CERS6: variants seen among roughly 807,000 people sequenced by gnomAD.
CERS6 encodes ceramide synthase 6.
CERS6 carries 26 observed loss-of-function variants against 56.8 expected under a neutral mutation model. The observed-to-expected ratio is 0.46, with a 90% CI of 0.34 to 0.63. The LOEUF (loss-of-function observed/expected upper bound fraction) is 0.63. CERS6 is among the 30% of genes least tolerant of loss of function. The pLI, the probability that CERS6 is intolerant of heterozygous loss-of-function variation, is 0.01. For synonymous variants in CERS6, 164 were observed against 173.3 expected (o/e 0.95, Z 0.42); for missense variants, 415 against 467.5 (o/e 0.89, Z 1.04).
chr2:168,729,847 TAAAG>T (rs1683468886), intron 8 of CERS6, among the ~76,000 whole-genome samples: 1 of 152,228 alleles, frequency 6.6e-6, no homozygotes, highest in Admixed American at 6.5e-5. Flanking sequence ...TCCTCATAGA[TAAAG>T]AATCATTTCT....
rs116183923 is a variant in CERS6 at position 168,458,114 on chromosome 2, A to G, written c.170+1496A>G. On this transcript the variant is annotated intron_variant, in intron 1 of 9. Transcript: ENST00000305747. Reference sequence around the variant, plus strand: ...GTTACAGAAAATATGAACTCTATACAGTTTTGCAGGCTCTCCAAAAACAAG... The same window carrying G: ...GTTACAGAAAATATGAACTCTATACGGTTTTGCAGGCTCTCCAAAAACAAG... Among the ~76,000 whole-genome samples, 1,270 of 152,282 alleles carry G rather than the reference A, an allele frequency of 8.3e-3. 8 individuals carry two copies. Among genetic ancestry groups the G allele is most frequent in the Non-Finnish European group, 0.015 (988 of 68,018 alleles).
intron 1 of CERS6, among the ~76,000 whole-genome samples, chr2:168,499,964 A>G (rs1318475353): frequency 6.6e-6 from 1 of 152,166 alleles, no homozygotes; most frequent in Non-Finnish European, 1.5e-5. Flanking sequence ...CCAATAAACA[A>G]GAACCTTTGT....
intron 1 of CERS6, among the ~76,000 whole-genome samples, chr2:168,546,704 A>C (rs951389960): frequency 1.3e-5 from 2 of 152,210 alleles, no homozygotes; most frequent in Non-Finnish European, 2.9e-5. Flanking sequence ...CATGATATGA[A>C]ATTATCCTGT....
rs1684716889 is a variant in CERS6 at position 168,765,795 on chromosome 2, T to C, written c.1002+47T>C. The C allele has an allele frequency of 1.9e-6, 3 of 1,558,624 alleles. No homozygotes were observed. The Admixed American group carries it at 5.5e-5, about 29-fold the overall frequency. ...CCAATATGTCTTAAAAAATTTTGTTTTTGTAATTTCTCTGGATCAACTATT... is the reference window on the plus strand; with the variant it reads ...CCAATATGTCTTAAAAAATTTTGTTCTTGTAATTTCTCTGGATCAACTATT... On this transcript the variant is annotated intron_variant, in intron 9 of 9. Transcript: ENST00000305747.
At chr2:168,609,062 AT>A (rs1310609591) in intron 3 of CERS6, among the ~76,000 whole-genome samples, 4 of 152,212 alleles carry the variant, frequency 2.6e-5, no homozygotes, top group African/African-American at 9.6e-5. Flanking sequence ...TGCTGCCTGT[AT>A]CTTTTTACTT....
chr2:168,519,365 C>A (rs1429776873), intron 1 of CERS6, among the ~76,000 whole-genome samples: 1 of 151,998 alleles, frequency 6.6e-6, no homozygotes, highest in Non-Finnish European at 1.5e-5. Context: ...ATATAATTTT[C>A]TTTTAAAAAT....
At chr2:168,725,317 G>A (rs976648970) in intron 8 of CERS6, among the ~76,000 whole-genome samples, 5 of 152,224 alleles carry the variant, frequency 3.3e-5, no homozygotes, top group Admixed American at 1.3e-4. Flanking sequence ...AGTGGGCTCC[G>A]GCCTTGGCCA....
chr2:168,629,852 G>A (rs1231390308), intron 3 of CERS6, among the ~76,000 whole-genome samples: 1 of 151,484 alleles, frequency 6.6e-6, no homozygotes, highest in Non-Finnish European at 1.5e-5. Context: ...GTCTCACTCT[G>A]TTGCCCAGGC....
rs138681539 is a variant in CERS6 at position 168,759,471 on chromosome 2, A to G, written c.846-6121A>G. ...ATGGTCTCAGGTCCCTTCTGCCTCTATACTCTCCATTAGACAACAGTAGAG... is the reference window on the plus strand; with the variant it reads ...ATGGTCTCAGGTCCCTTCTGCCTCTGTACTCTCCATTAGACAACAGTAGAG... On this transcript the variant is annotated intron_variant, in intron 8 of 9. Transcript: ENST00000305747. Among the ~76,000 whole-genome samples, 9 of 152,320 alleles carry G rather than the reference A, an allele frequency of 5.9e-5. No individual in the cohort carries two copies. In the East Asian group the frequency reaches 1.5e-3, roughly 26 times the overall value.
intron 2 of CERS6, among the ~76,000 whole-genome samples, chr2:168,560,234 G>C (rs1168223439): frequency 6.6e-6 from 1 of 152,160 alleles, no homozygotes; most frequent in Non-Finnish European, 1.5e-5. Flanking sequence ...AACAGCACAG[G>C]AAAGATCTGC....
At chr2:168,638,832 C>T (rs1684922941) in intron 4 of CERS6, among the ~76,000 whole-genome samples, 1 of 152,152 alleles carries the variant, frequency 6.6e-6, no homozygotes, top group Non-Finnish European at 1.5e-5. Flanking sequence ...GGTATACAGA[C>T]TTTAGGACTT....
intron 3 of CERS6, among the ~76,000 whole-genome samples, chr2:168,565,911 A>G (rs1695875540): frequency 6.6e-6 from 1 of 152,212 alleles, no homozygotes; most frequent in Admixed American, 6.5e-5. Context: ...TCCGAATGGA[A>G]GCAGGTGCCG....
At chr2:168,619,883 A>G (rs115730759) in intron 3 of CERS6, among the ~76,000 whole-genome samples, 5,042 of 151,154 alleles carry the variant, frequency 0.033, 292 homozygotes, top group African/African-American at 0.12. Flanking sequence ...TTGCACACTC[A>G]TGTTTATAGC....
chr2:168,523,739 A>G (rs1695023869), intron 1 of CERS6, among the ~76,000 whole-genome samples: 1 of 152,148 alleles, frequency 6.6e-6, no homozygotes, highest in Admixed American at 6.5e-5. Context: ...TGGAGAAGAT[A>G]TTATTTGTGA....
chr2:168,521,253 T>C (rs1694971981), intron 1 of CERS6, among the ~76,000 whole-genome samples: 1 of 152,196 alleles, frequency 6.6e-6, no homozygotes, highest in Non-Finnish European at 1.5e-5. Context: ...AGTTATGTTC[T>C]GTAAGTGAAA....
chr2:168,631,023 G>C lies in CERS6; in HGVS notation c.446G>C (p.Gly149Ala), dbSNP rs1411210527. ...FSFYLYVFTY[G>A]VRFLKKTPWL... ...TTTTACCTTTATGTATTTACCTACG[G>C]AGTCAGATTCCTGAAAAAGGTAGGA... is the stretch of plus-strand genomic sequence containing the variant. Residue 149 changes from glycine to alanine, a missense_variant, in exon 4 of 10, where the codon GGA becomes GCA. Coordinates refer to ENST00000305747, the MANE Select transcript of CERS6 (RefSeq NM_203463.3). 6.5e-7 allele frequency: 1 copy of C among 1,529,886 alleles called. No individual in the cohort carries two copies. The highest frequency in any genetic ancestry group is 8.9e-7 in the Non-Finnish European group (1 of 1,121,494). The allele number at this position is 1,529,886 out of a possible 1,614,324, so 94.8% of individuals were successfully genotyped here.
intron 4 of CERS6, among the ~76,000 whole-genome samples, chr2:168,665,796 G>T (rs183167936): frequency 6.6e-6 from 1 of 152,164 alleles, no homozygotes; most frequent in Non-Finnish European, 1.5e-5. Context: ...GTAAGTGAAC[G>T]AACTACAGTT....
At chr2:168,559,755 T>TATATATATATATATATA (rs1412617679) in intron 2 of CERS6, among the ~76,000 whole-genome samples, 3 of 14,808 alleles carry the variant, frequency 2.0e-4, no homozygotes, top group South Asian at 3.0e-3. Flanking sequence ...ATATATATAT[T>TATATATATATATATATA]TCACCCTTAT....
chr2:168,752,324 G>GTGTGT (rs1559080876), intron 8 of CERS6, among the ~76,000 whole-genome samples: 4 of 106,776 alleles, frequency 3.7e-5, no homozygotes, highest in Admixed American at 1.0e-4. Context: ...TGTGTATAGA[G>GTGTGT]AGAGAGAGAG....
Sources: gnomAD v4.1 joint callset for allele counts (sites outside exome capture counted in the v4.1 genomes callset) on GRCh38, gnomAD v4.1.1 for gene constraint, MANE v1.5 for transcripts, NCBI Gene and HGNC (gene_info 2026-07-23, HGNC 2026-07-21) for gene names.